Variants in SLC14A2 observed in about 807,000 individuals in gnomAD.
SLC14A2 encodes solute carrier family 14 member 2.
In SLC14A2, 91 loss-of-function variants were observed where a neutral mutation model predicts 104.6. That is an observed-to-expected ratio of 0.87 (90% CI 0.73 to 1.04). The LOEUF is 1.04. SLC14A2 is among the 50% of genes least tolerant of loss of function. SLC14A2 has a pLI of 0.00. For missense variants in SLC14A2, 1,189 were observed against 1,156.0 expected, an observed-to-expected ratio of 1.03 and a Z score of -0.41; for synonymous variants, 476 against 466.4, an observed-to-expected ratio of 1.02 and a Z score of -0.27.
Position 45,510,421 on chromosome 18 carries a change from A to G in SLC14A2, c.-35+27099A>G, listed in dbSNP as rs563374251. On this transcript the variant is annotated intron_variant, in intron 2 of 20. Transcript: ENST00000586448. ...ATAGAACAAAAGACCAGGCTCTCCT[A>G]TACTCCCAGGCCCCTCTATGCGGCT... is the stretch of plus-strand genomic sequence containing the variant. Among the ~76,000 whole-genome samples, 3 of 152,214 alleles carry G rather than the reference A, an allele frequency of 2.0e-5. No individual in the cohort carries two copies. The South Asian group carries it at 6.2e-4, about 32-fold the overall frequency.
chr18:45,560,886 C>T (rs975996378), intron 2 of SLC14A2, among the ~76,000 whole-genome samples: 3 of 152,130 alleles, frequency 2.0e-5, no homozygotes, highest in African/African-American at 7.2e-5. Context: ...ATGTGCTATC[C>T]TCATTGGGCT....
chr18:45,368,980 C>T (rs1324850512), intron 1 of SLC14A2, among the ~76,000 whole-genome samples: 1 of 152,182 alleles, frequency 6.6e-6, no homozygotes, highest in African/African-American at 2.4e-5. Flanking sequence ...AGCAACAACT[C>T]AGGCTGCTAG....
At chr18:45,532,184 G>T (rs1178336346) in intron 2 of SLC14A2, among the ~76,000 whole-genome samples, 1 of 152,096 alleles carries the variant, frequency 6.6e-6, no homozygotes, top group African/African-American at 2.4e-5. Flanking sequence ...GGCAGTGCGG[G>T]CTCTTTTTTG....
At chr18:45,288,699 A>G (rs2084839821) in intron 1 of SLC14A2, among the ~76,000 whole-genome samples, 1 of 152,226 alleles carries the variant, frequency 6.6e-6, no homozygotes, top group African/African-American at 2.4e-5. Flanking sequence ...CTGAGGGTCA[A>G]CTGAGATAAT....
intron 1 of SLC14A2, among the ~76,000 whole-genome samples, chr18:45,319,416 T>A (rs1429274824): frequency 2.0e-5 from 3 of 152,232 alleles, no homozygotes; most frequent in Non-Finnish European, 4.4e-5. Flanking sequence ...CCATACTGCC[T>A]ATCTTGGTTA....
chr18:45,407,230 G>A lies in SLC14A2; in HGVS notation c.-124-76003G>A, dbSNP rs145458123. Reference sequence around the variant, plus strand: ...CTGGAAAATATGCTGCAGCTTCTGCGTCAGCACTTGCTGCTTTACCTTGCA... The same window carrying A: ...CTGGAAAATATGCTGCAGCTTCTGCATCAGCACTTGCTGCTTTACCTTGCA... On this transcript the variant is annotated intron_variant, in intron 1 of 20. Transcript: ENST00000586448. Among the ~76,000 whole-genome samples, 1,179 of 152,314 alleles carry A rather than the reference G, an allele frequency of 7.7e-3. 11 individuals are homozygous for A. The highest frequency in any genetic ancestry group is 0.023 in the African/African-American group (970 of 41,578).
At chr18:45,544,774 T>C (rs1361722386) in intron 2 of SLC14A2, among the ~76,000 whole-genome samples, 1 of 150,338 alleles carries the variant, frequency 6.7e-6, no homozygotes, top group Non-Finnish European at 1.5e-5. Context: ...TATATATATT[T>C]ATCAATAATG....
intron 10 of SLC14A2, among the ~76,000 whole-genome samples, chr18:45,645,632 A>ATATATATATATATATTTAT (rs1568312070): frequency 1.4e-4 from 1 of 7,096 alleles, no homozygotes; most frequent in Admixed American, 1.3e-3. Context: ...TACATATACA[A>ATATATATATATATATTTAT]AGATATATAT....
At chr18:45,403,940 C>T (rs1047050102) in intron 1 of SLC14A2, among the ~76,000 whole-genome samples, 5 of 152,196 alleles carry the variant, frequency 3.3e-5, no homozygotes, top group Non-Finnish European at 5.9e-5. Flanking sequence ...GGCAATGACT[C>T]CTTTCTCCCT....
chr18:45,503,078 G>A (rs1568245914), intron 2 of SLC14A2, among the ~76,000 whole-genome samples: 3 of 152,008 alleles, frequency 2.0e-5, no homozygotes, highest in Admixed American at 6.6e-5. Context: ...AGAGACCCTT[G>A]GAATTCTAAG....
intron 1 of SLC14A2, among the ~76,000 whole-genome samples, chr18:45,310,274 A>G (rs1367723372): frequency 1.3e-5 from 2 of 152,200 alleles, no homozygotes; most frequent in Non-Finnish European, 2.9e-5. Context: ...GGATATTACC[A>G]TATTGCTTTT....
intron 1 of SLC14A2, among the ~76,000 whole-genome samples, chr18:45,449,632 T>C (rs929535933): frequency 7.2e-5 from 11 of 152,104 alleles, no homozygotes; most frequent in Non-Finnish European, 1.3e-4. Flanking sequence ...CTTCACTCAC[T>C]TCCCAGAATC....
chr18:45,632,547 C>T, intron 5 of SLC14A2, 69 bp downstream of exon 5: 1 of 1,553,302 alleles, frequency 6.4e-7, no homozygotes, highest in Non-Finnish European at 8.7e-7. Flanking sequence ...TTATACTGGC[C>T]AGAGACAGGA....
chr18:45,541,914 G>A (rs1194314586), intron 2 of SLC14A2, among the ~76,000 whole-genome samples: 3 of 152,058 alleles, frequency 2.0e-5, no homozygotes. Context: ...ATAGGTACTT[G>A]TGTGGTGAAG....
chr18:45,501,127 G>C (rs76412704), intron 2 of SLC14A2, among the ~76,000 whole-genome samples: 2,355 of 152,268 alleles, frequency 0.015, 15 homozygotes, highest in Non-Finnish European at 0.024. Context: ...TACCAGCAAA[G>C]AACCTGAGGA....
At chr18:45,590,381 A>C (rs534463737) in intron 2 of SLC14A2, among the ~76,000 whole-genome samples, 1 of 152,244 alleles carries the variant, frequency 6.6e-6, no homozygotes, top group African/African-American at 2.4e-5. Context: ...GTCCATCCTA[A>C]AGAAGTTGGA....
At chr18:45,455,425 AC>A (rs2086925904) in intron 1 of SLC14A2, among the ~76,000 whole-genome samples, 1 of 152,010 alleles carries the variant, frequency 6.6e-6, no homozygotes, top group East Asian at 1.9e-4. Context: ...GTTCTCACTC[AC>A]AAGTGGGAGT....
upstream of SLC14A2, among the ~76,000 whole-genome samples, chr18:45,614,190 C>A (rs538557833): frequency 6.6e-6 from 1 of 152,204 alleles, no homozygotes; most frequent in Non-Finnish European, 1.5e-5. Context: ...CAACCCATGG[C>A]GGCTTCCATG....
At chr18:45,332,944 A>G (rs1475412461) in intron 1 of SLC14A2, among the ~76,000 whole-genome samples, 1 of 152,214 alleles carries the variant, frequency 6.6e-6, no homozygotes, top group Non-Finnish European at 1.5e-5. Context: ...GATCCTGACT[A>G]TTAGTCTTTC....
Sources: gnomAD v4.1 joint callset for allele counts (sites outside exome capture counted in the v4.1 genomes callset) on GRCh38, gnomAD v4.1.1 for gene constraint, MANE v1.5 for transcripts, NCBI Gene and HGNC (gene_info 2026-07-23, HGNC 2026-07-21) for gene names.